Variants in GALNT9 observed in about 807,000 individuals in gnomAD.
GALNT9 encodes GalNAc transferase 9.
A neutral mutation model predicts 63.1 loss-of-function variants in GALNT9; 47 were observed. That is an observed-to-expected ratio of 0.75 (90% confidence interval 0.59 to 0.95). GALNT9 has a LOEUF of 0.95. GALNT9 is among the 40% of genes least tolerant of loss of function. GALNT9 has a pLI of 0.00. For missense variants in GALNT9, 829 were observed against 874.8 expected (o/e 0.95, Z 0.66); for synonymous variants, 396 against 365.7 (o/e 1.08, Z -0.94).
intron 8 of GALNT9, chr12:132,200,521 T>C (rs1363384699): frequency 6.6e-6 from 1 of 152,520 alleles, no homozygotes; most frequent in Admixed American, 6.5e-5. Flanking sequence ...ATTATTTTGC[T>C]TGATAACAAG....
intron 5 of GALNT9, among the ~76,000 whole-genome samples, chr12:132,249,849 C>T (rs1444866148): frequency 6.6e-6 from 1 of 152,226 alleles, no homozygotes; most frequent in Non-Finnish European, 1.5e-5. Flanking sequence ...GTGGGGCTGC[C>T]TGTCACCGTG....
chr12:132,250,209 C>T (rs1373566322), intron 5 of GALNT9, among the ~76,000 whole-genome samples: 1 of 152,162 alleles, frequency 6.6e-6, no homozygotes, highest in Non-Finnish European at 1.5e-5. Flanking sequence ...CCCCGTGTGA[C>T]TCCGTCCGCA....
chr12:132,200,961 G>A, intron 8 of GALNT9, 163 bp downstream of exon 8: 1 of 641,852 alleles, frequency 1.6e-6, no homozygotes, highest in East Asian at 2.7e-5. Context: ...GTGTGTGCAG[G>A]AGTCAGGGCG....
chr12:132,322,737 C>T (rs1555246253), intron 1 of GALNT9, among the ~76,000 whole-genome samples: 1 of 152,204 alleles, frequency 6.6e-6, no homozygotes, highest in African/African-American at 2.4e-5. Flanking sequence ...GCCTGGTGAG[C>T]CCAGGGGACC....
chr12:132,267,468 A>G (rs1593094114), intron 2 of GALNT9, among the ~76,000 whole-genome samples: 1 of 152,208 alleles, frequency 6.6e-6, no homozygotes, highest in African/African-American at 2.4e-5. Flanking sequence ...GAGAACCCAC[A>G]CCGTCGCCCA....
At chr12:132,262,952 A>G (rs1283610382) in intron 2 of GALNT9, among the ~76,000 whole-genome samples, 2 of 152,176 alleles carry the variant, frequency 1.3e-5, no homozygotes, top group Non-Finnish European at 2.9e-5. Context: ...CACAGCACTC[A>G]GCACACACAT....
At chr12:132,229,146 C>G (rs1256892434) in intron 6 of GALNT9, among the ~76,000 whole-genome samples, 2 of 152,196 alleles carry the variant, frequency 1.3e-5, no homozygotes, top group African/African-American at 4.8e-5. Flanking sequence ...TTGCCAATCC[C>G]TCTGCTGGAA....
chr12:132,287,127 A>G (rs191863464), intron 1 of GALNT9, among the ~76,000 whole-genome samples: 77 of 128,914 alleles, frequency 6.0e-4, no homozygotes, highest in Non-Finnish European at 9.6e-4. Context: ...CGGCTCATCG[A>G]CGGTGACACA....
intron 3 of GALNT9, among the ~76,000 whole-genome samples, chr12:132,261,859 G>A (rs1477012459): frequency 6.6e-6 from 1 of 152,224 alleles, no homozygotes; most frequent in Non-Finnish European, 1.5e-5. Context: ...TCAAGCCTGT[G>A]TGCTACAGGG....
chr12:132,225,356 C>T (rs1204890666), intron 6 of GALNT9, among the ~76,000 whole-genome samples: 19 of 141,244 alleles, frequency 1.3e-4, no homozygotes, highest in African/African-American at 5.1e-4. Flanking sequence ...ATATACATAC[C>T]ACACAACTCA....
chr12:132,235,433 G>A (rs1877967660), intron 6 of GALNT9, among the ~76,000 whole-genome samples: 1 of 152,130 alleles, frequency 6.6e-6, no homozygotes, highest in Non-Finnish European at 1.5e-5. Context: ...GAGAGCAGAG[G>A]GAGAGAGTGT....
chr12:132,200,188 C>T (rs1033854385), intron 8 of GALNT9, among the ~76,000 whole-genome samples: 14 of 152,326 alleles, frequency 9.2e-5, no homozygotes, highest in Middle Eastern at 6.8e-3. Flanking sequence ...GGAGGCTCAG[C>T]GAGGACCATC....
At chr12:132,202,639 A>C (rs10902509) in intron 7 of GALNT9, among the ~76,000 whole-genome samples, 74,800 of 151,246 alleles carry the variant, frequency 0.49, 18,947 homozygotes, top group Non-Finnish European at 0.56. Context: ...CTGGGTCATG[A>C]CTTAAGATCT....
Position 132,316,065 on chromosome 12 carries a change from G to C in GALNT9, c.238+12901C>G, listed in dbSNP as rs1487280717. ...CACCCCCTCACGCCTGCAGGTCTTG[G>C]GTTCCGTCATGTTTCCTCATCAGCC... On this transcript the variant is annotated intron_variant, in intron 1 of 10. Coordinates refer to ENST00000328957, the MANE Select transcript of GALNT9 (RefSeq NM_001122636.2). This position sits in a 1 kb window ranked among gnomAD's most constrained non-coding sequence, Gnocchi z 4.3. 6.6e-6 allele frequency among the ~76,000 whole-genome samples: 1 copy of C among 152,136 alleles called. No homozygotes were observed. The highest frequency in any genetic ancestry group is 1.9e-4 in the East Asian group (1 of 5,178).
At chr12:132,283,903 T>C (rs1268796424) in intron 2 of GALNT9, 7 of 151,764 alleles carry the variant, frequency 4.6e-5, no homozygotes, top group Non-Finnish European at 4.4e-5. Context: ...TCTGTCCTTC[T>C]AGCAAGTTGT....
At chr12:132,303,582 C>A (rs71470385) in intron 1 of GALNT9, among the ~76,000 whole-genome samples, 1 of 52,882 alleles carries the variant, frequency 1.9e-5, no homozygotes, top group Non-Finnish European at 3.6e-5. Context: ...CCCGGGCACA[C>A]CCTCGCCCGG....
At chr12:132,308,048 A>G (rs1156871091) in intron 1 of GALNT9, among the ~76,000 whole-genome samples, 1 of 150,602 alleles carries the variant, frequency 6.6e-6, no homozygotes, top group Non-Finnish European at 1.5e-5. Context: ...AAAAAAAAAA[A>G]CAAAAAAACA....
chr12:132,263,645 G>C (rs28528338), intron 2 of GALNT9, among the ~76,000 whole-genome samples: 10,478 of 152,196 alleles, frequency 0.069, 1,197 homozygotes, highest in African/African-American at 0.24. Flanking sequence ...GAACGTGAGC[G>C]CCCTGACAGC....
intron 6 of GALNT9, among the ~76,000 whole-genome samples, chr12:132,239,972 T>G (rs2136897608): frequency 6.6e-6 from 1 of 152,108 alleles, no homozygotes; most frequent in Admixed American, 6.5e-5. Context: ...CTAGGCTGTC[T>G]GGTGTCTGGG....
Sources: allele counts gnomAD v4.1 joint callset (sites outside exome capture counted in the v4.1 genomes callset), GRCh38; gene constraint gnomAD v4.1.1; non-coding constraint Gnocchi (gnomAD v3.1); transcripts MANE v1.5; gene names NCBI Gene and HGNC (gene_info 2026-07-23, HGNC 2026-07-21).